PITPNA: variants seen among roughly 807,000 people sequenced by gnomAD.
PITPNA encodes phosphatidylinositol transfer protein alpha isoform.
In PITPNA, 13 loss-of-function variants were observed where a neutral mutation model predicts 50.3. The observed-to-expected ratio is 0.26, with a 90% confidence interval of 0.17 to 0.41. The LOEUF (loss-of-function observed/expected upper bound fraction) is 0.41, where lower values mean the gene tolerates loss of function less well. Ranked by LOEUF, PITPNA falls within the 10% of genes least tolerant of loss-of-function variation. The pLI is 1.00. For missense variants in PITPNA, 207 were observed against 333.4 expected (o/e 0.62, Z 2.95); for synonymous variants, 120 against 119.6 (o/e 1.00, Z -0.02).
intron 5 of PITPNA, among the ~76,000 whole-genome samples, chr17:1,542,387 C>T (rs924439011): frequency 6.6e-6 from 1 of 152,184 alleles, no homozygotes; most frequent in Non-Finnish European, 1.5e-5. Flanking sequence ...GTGGCTAAGG[C>T]CTTAAGTTTT....
At chr17:1,539,087 T>G (rs1330924102) in intron 6 of PITPNA, 135 bp from the exon 7 acceptor site, 1 of 615,250 alleles carries the variant, frequency 1.6e-6, no homozygotes, top group Admixed American at 3.0e-5. Context: ...ATTATACAAT[T>G]ACATACAAAA....
chr17:1,547,084 G>A (rs1320543115), intron 4 of PITPNA, among the ~76,000 whole-genome samples: 1 of 151,796 alleles, frequency 6.6e-6, no homozygotes, highest in Non-Finnish European at 1.5e-5. Flanking sequence ...CTTAGGCCAG[G>A]CACAGTGGCT....
chr17:1,561,889 C>T (rs1287854273), intron 1 of PITPNA, among the ~76,000 whole-genome samples: 6 of 152,192 alleles, frequency 3.9e-5, no homozygotes, highest in African/African-American at 1.4e-4. Context: ...ACCCATCCAC[C>T]CGGCTCTCCG....
chr17:1,543,218 A>C (rs2075656693), intron 4 of PITPNA, among the ~76,000 whole-genome samples, 191 bp from the exon 5 acceptor site: 1 of 152,174 alleles, frequency 6.6e-6, no homozygotes, highest in Non-Finnish European at 1.5e-5. Flanking sequence ...AATTTCACTC[A>C]GACAAACATC....
intron 6 of PITPNA, among the ~76,000 whole-genome samples, 197 bp from the exon 7 acceptor site, chr17:1,539,149 ACCGTGTTTCTCAGGCAATGGCTATC>A (rs1033744530): frequency 2.6e-5 from 4 of 152,148 alleles, no homozygotes; most frequent in Admixed American, 2.6e-4. Context: ...ATGGGGTCTC[ACCGTGTTTCTCAGGCAATGGCTATC>A]CACAGGAGTG....
chr17:1,532,551 A>G (rs915607190), intron 10 of PITPNA, among the ~76,000 whole-genome samples: 2 of 152,208 alleles, frequency 1.3e-5, no homozygotes, highest in Non-Finnish European at 2.9e-5. Context: ...TGGACAGCAA[A>G]TACTTCCACG....
At chr17:1,545,438 C>G (rs1019319977) in intron 4 of PITPNA, among the ~76,000 whole-genome samples, 6 of 152,216 alleles carry the variant, frequency 3.9e-5, no homozygotes, top group African/African-American at 1.4e-4. Context: ...CTGCTGGTAT[C>G]TCTTATTTTA....
At chr17:1,536,511 G>T (rs540792724) in intron 7 of PITPNA, among the ~76,000 whole-genome samples, 1 of 151,536 alleles carries the variant, frequency 6.6e-6, no homozygotes, top group African/African-American at 2.4e-5. Flanking sequence ...GGATGGTCTC[G>T]ATCTCCTGAC....
intron 1 of PITPNA, among the ~76,000 whole-genome samples, chr17:1,560,450 C>T (rs1478036314): frequency 6.6e-6 from 1 of 152,176 alleles, no homozygotes; most frequent in African/African-American, 2.4e-5. Context: ...GGGCACGAGT[C>T]GGGCAGGAAG....
intron 3 of PITPNA, among the ~76,000 whole-genome samples, chr17:1,550,954 G>A (rs1368662415): frequency 1.3e-5 from 2 of 152,222 alleles, no homozygotes; most frequent in East Asian, 1.9e-4. Context: ...TGGAGACGCT[G>A]AGGAGATGGA....
intron 7 of PITPNA, chr17:1,538,635 C>T: frequency 2.2e-6 from 1 of 459,222 alleles, no homozygotes; most frequent in Non-Finnish European, 3.9e-6. Flanking sequence ...CCTACTTAGT[C>T]CAGTAATAAT....
At chr17:1,523,561 G>A (rs995385663) in intron 10 of PITPNA, among the ~76,000 whole-genome samples, 13 of 148,890 alleles carry the variant, frequency 8.7e-5, no homozygotes, top group African/African-American at 3.0e-4. Flanking sequence ...AGGCTGGATG[G>A]CAGTGGTGTG....
chr17:1,545,348 T>C (rs748156754), intron 4 of PITPNA, among the ~76,000 whole-genome samples: 72 of 152,368 alleles, frequency 4.7e-4, no homozygotes, highest in Non-Finnish European at 8.5e-4. Context: ...TTGGATCTAC[T>C]GAGGCCAAGC....
In PITPNA at chr17:1,535,985, C is replaced by T. The variant is rs533274410; in HGVS notation, c.457-467G>A. 10 of 173,010 alleles carry T rather than the reference C, an allele frequency of 5.8e-5. No homozygotes were observed. The South Asian group carries it at 8.1e-4, about 14-fold the overall frequency. The allele number at this position is 173,010 out of a possible 1,614,324, so 10.7% of individuals were successfully genotyped here. A position where few individuals can be genotyped will look rare whatever the true frequency, so the allele number is the denominator to read the frequency against. Reference sequence around the variant, plus strand: ...AAATACAGCCAGCGCTCAGAATACCCGGCTGTCATTCCTTAAATCTTCCAG... The same window carrying T: ...AAATACAGCCAGCGCTCAGAATACCTGGCTGTCATTCCTTAAATCTTCCAG... On this transcript the variant is annotated intron_variant, in intron 7 of 11. Coordinates refer to ENST00000313486, the MANE Select transcript of PITPNA (RefSeq NM_006224.4).
chr17:1,536,342 C>T (rs2151006558), intron 7 of PITPNA, among the ~76,000 whole-genome samples: 1 of 146,238 alleles, frequency 6.8e-6, no homozygotes, highest in Admixed American at 6.9e-5. Context: ...GGCTGGAGTG[C>T]AGTAGCGCGA....
In PITPNA at chr17:1,520,239, G is replaced by A. The variant is rs2075501501; in HGVS notation, c.*322C>T. 1 of 152,394 alleles carries A rather than the reference G, an allele frequency of 6.6e-6. No homozygotes were observed. The highest frequency in any genetic ancestry group is 1.5e-5 in the Non-Finnish European group (1 of 68,028). 9.4% of individuals were successfully genotyped at this position (152,394 alleles called of 1,614,324 possible). A position where few individuals can be genotyped will look rare whatever the true frequency, so the allele number is the denominator to read the frequency against. ...ATTTGAAAGACTGAAAATGTCACTT[G>A]GAAATAAAGGTTGGGGGAACACACA... On this transcript the variant is annotated 3_prime_UTR_variant, in exon 12 of 12. Transcript: ENST00000313486.
At chr17:1,541,300 T>A (rs989912317) in intron 6 of PITPNA, among the ~76,000 whole-genome samples, 1 of 152,150 alleles carries the variant, frequency 6.6e-6, no homozygotes, top group African/African-American at 2.4e-5. Context: ...ACTGTAATTT[T>A]GGTCTTTTAA....
rs1368138397 is a variant in PITPNA, at chr17:1,519,728, G to A, written c.*833C>T. On this transcript the variant is annotated 3_prime_UTR_variant, in exon 12 of 12. Coordinates refer to ENST00000313486, the MANE Select transcript of PITPNA (RefSeq NM_006224.4). Reference sequence around the variant, plus strand: ...GCAGGGACTTACAGAGCTCCTCGGGGTCAGACAGTTGGTATCTAGGGGGTG... The same window carrying A: ...GCAGGGACTTACAGAGCTCCTCGGGATCAGACAGTTGGTATCTAGGGGGTG... 6.6e-6 allele frequency: 1 copy of A among 152,554 alleles called. No homozygotes were observed. Among genetic ancestry groups the A allele is most frequent in the East Asian group, 1.9e-4 (1 of 5,192 alleles). The allele number at this position is 152,554 out of a possible 1,614,324, so 9.5% of individuals were successfully genotyped here. A position where few individuals can be genotyped will look rare whatever the true frequency, so the allele number is the denominator to read the frequency against.
Position 1,562,429 on chromosome 17 carries a change from T to A in PITPNA, c.20+112A>T. On this transcript the variant is annotated intron_variant, in intron 1 of 11. Transcript: ENST00000313486. The surrounding 1 kb of genome is among the most constrained non-coding windows in gnomAD (Gnocchi z 6.4). ...CTGGGCCCGCCTCAGGCACCCTCCG[T>A]CCCTGCTGCCCCTCCGTCCATCCGG... The A allele has an allele frequency of 2.4e-6, 2 of 835,388 alleles. No individual in the cohort carries two copies. The highest frequency in any genetic ancestry group is 3.3e-6 in the Non-Finnish European group (2 of 600,790). 51.7% of individuals were successfully genotyped at this position (835,388 alleles called of 1,614,324 possible).
Sources: allele counts gnomAD v4.1 joint callset (sites outside exome capture counted in the v4.1 genomes callset), GRCh38; gene constraint gnomAD v4.1.1; non-coding constraint Gnocchi (gnomAD v3.1); transcripts MANE v1.5; gene names NCBI Gene and HGNC (gene_info 2026-07-23, HGNC 2026-07-21).